The following RHOJ variants were observed in gnomAD, a reference collection of about 807,000 sequenced individuals.
RHOJ encodes rho-related GTP-binding protein RhoJ.
RHOJ carries 11 observed loss-of-function variants against 23.4 expected under a neutral mutation model. The ratio of observed to expected loss-of-function variants is 0.47; its 90% CI spans 0.30 to 0.78. The LOEUF is 0.78. Ranked by LOEUF, RHOJ falls within the 30% of genes least tolerant of loss-of-function variation. RHOJ has a pLI of 0.08. For synonymous variants in RHOJ, 102 were observed against 102.7 expected, an observed-to-expected ratio of 0.99 and a Z score of 0.04; for missense variants, 254 against 273.4, an observed-to-expected ratio of 0.93 and a Z score of 0.50.
chr14:63,267,460 C>T (rs1039238356), intron 1 of RHOJ, among the ~76,000 whole-genome samples: 3 of 152,228 alleles, frequency 2.0e-5, no homozygotes, highest in African/African-American at 4.8e-5. Context: ...TAAGGGGTCT[C>T]TGGAACAGCT....
intron 2 of RHOJ, among the ~76,000 whole-genome samples, chr14:63,271,618 G>A (rs1895471425): frequency 6.6e-6 from 1 of 152,062 alleles, no homozygotes; most frequent in Admixed American, 6.5e-5. Context: ...TTTTGAGACA[G>A]GGTTTCACTC....
chr14:63,278,655 T>C lies in RHOJ; in HGVS notation c.238-2316T>C, dbSNP rs1211014534. Among the ~76,000 whole-genome samples the C allele has an allele frequency of 2.6e-5, 4 of 152,226 alleles. No homozygotes were observed. In the East Asian group the frequency reaches 7.7e-4, roughly 29 times the overall value. On this transcript the variant is annotated intron_variant, in intron 2 of 4. Coordinates refer to ENST00000316754, the MANE Select transcript of RHOJ (RefSeq NM_020663.5). ...TATGAACAATTTAATCAATTTGTTT[T>C]TAAACTAAACATGTGTATGTGGTAT...
At chr14:63,263,026 A>T (rs562130477) in intron 1 of RHOJ, among the ~76,000 whole-genome samples, 1 of 152,336 alleles carries the variant, frequency 6.6e-6, no homozygotes, top group South Asian at 2.1e-4. Context: ...AGGAAAAATA[A>T]CAGTCGTTTA....
chr14:63,217,549 T>C (rs1894392656), intron 1 of RHOJ, among the ~76,000 whole-genome samples: 1 of 151,850 alleles, frequency 6.6e-6, no homozygotes, highest in African/African-American at 2.4e-5. Flanking sequence ...TCAAGATGGA[T>C]TAAAGACTTA....
chr14:63,248,330 GT>G (rs1189956646), intron 1 of RHOJ, among the ~76,000 whole-genome samples: 1 of 152,080 alleles, frequency 6.6e-6, no homozygotes, highest in Non-Finnish European at 1.5e-5. Context: ...AAATACTCAA[GT>G]TTTGGAACTC....
intron 3 of RHOJ, among the ~76,000 whole-genome samples, chr14:63,282,292 A>G (rs1478336182): frequency 1.7e-5 from 2 of 119,796 alleles, no homozygotes; most frequent in East Asian, 2.8e-4. Context: ...ACATGCACAC[A>G]CACACACACA....
At chr14:63,254,038 C>A (rs1170690669) in intron 1 of RHOJ, among the ~76,000 whole-genome samples, 2 of 152,106 alleles carry the variant, frequency 1.3e-5, no homozygotes, top group Non-Finnish European at 2.9e-5. Context: ...TAGAGCCAGC[C>A]GCTTGTGGAG....
chr14:63,253,827 C>G (rs1196051464), intron 1 of RHOJ, among the ~76,000 whole-genome samples: 2 of 152,244 alleles, frequency 1.3e-5, no homozygotes, highest in Non-Finnish European at 2.9e-5. Context: ...AAAACACACA[C>G]ACACTGCTTG....
At chr14:63,231,299 T>C (rs9635242) in intron 1 of RHOJ, among the ~76,000 whole-genome samples, 16,147 of 152,182 alleles carry the variant, frequency 0.11, 1,064 homozygotes, top group East Asian at 0.27. Flanking sequence ...ATAGTGGATG[T>C]AAGAGAGTAC....
At chr14:63,209,142 T>C (rs1894177362) in intron 1 of RHOJ, among the ~76,000 whole-genome samples, 1 of 152,144 alleles carries the variant, frequency 6.6e-6, no homozygotes, top group Non-Finnish European at 1.5e-5. Context: ...CCTTCATTCT[T>C]GTCCAAGCCA....
In RHOJ at chr14:63,290,880, C is replaced by G. The variant is rs149090717; in HGVS notation, c.501C>G (p.Ile167Met). ...CCTTTCTCTCTTTTGTGTTTAAGAT[C>G]GGAGCACAGTGCTACTTGGAATGTT... The part of the protein sequence containing the change: ...YEHGVKLAKA[I>M]GAQCYLECSA... Residue 167 changes from isoleucine to methionine, a missense_variant and splice_region_variant, in exon 5 of 5, where the codon ATC becomes ATG. Transcript: ENST00000316754. The G allele has an allele frequency of 1.2e-6, 2 of 1,608,212 alleles. No homozygotes were observed. The highest frequency in any genetic ancestry group is 1.7e-6 in the Non-Finnish European group (2 of 1,177,818).
chr14:63,237,199 G>GA (rs1286055049), intron 1 of RHOJ, among the ~76,000 whole-genome samples: 1 of 152,032 alleles, frequency 6.6e-6, no homozygotes, highest in African/African-American at 2.4e-5. Context: ...CTTGCCTAGA[G>GA]AAATAAGAGA....
chr14:63,223,012 AC>A (rs1331674047), intron 1 of RHOJ, among the ~76,000 whole-genome samples: 2 of 152,200 alleles, frequency 1.3e-5, no homozygotes, highest in African/African-American at 2.4e-5. Context: ...CCTGCTCTCA[AC>A]TCACCTATCA....
At chr14:63,241,079 A>G (rs1021615414) in intron 1 of RHOJ, among the ~76,000 whole-genome samples, 15 of 152,246 alleles carry the variant, frequency 9.9e-5, no homozygotes, top group African/African-American at 3.6e-4. Context: ...CATCCAGAAA[A>G]TCCCTTTGAG....
chr14:63,208,496 A>C (rs1366876157), intron 1 of RHOJ, among the ~76,000 whole-genome samples: 1 of 152,160 alleles, frequency 6.6e-6, no homozygotes, highest in African/African-American at 2.4e-5. Flanking sequence ...TCCAACAGTC[A>C]ATTCTAGGTC....
At chr14:63,284,341 A>G in intron 4 of RHOJ, 3 of 985,370 alleles carry the variant, frequency 3.0e-6, no homozygotes, top group Non-Finnish European at 3.6e-6. Context: ...ATGCACAGTA[A>G]TGTCAATACT....
chr14:63,222,400 A>C (rs901699330), intron 1 of RHOJ, among the ~76,000 whole-genome samples: 34 of 152,274 alleles, frequency 2.2e-4, no homozygotes, highest in African/African-American at 6.5e-4. Flanking sequence ...GAATCGCCAC[A>C]CTGTCTTCCA....
intron 1 of RHOJ, among the ~76,000 whole-genome samples, chr14:63,237,115 G>A (rs948321687): frequency 1.1e-4 from 17 of 152,122 alleles, no homozygotes; most frequent in African/African-American, 4.1e-4. Context: ...AAGATATGGA[G>A]GGCTAACCTA....
At chr14:63,271,466 C>T (rs1594773953) in intron 2 of RHOJ, among the ~76,000 whole-genome samples, 1 of 152,238 alleles carries the variant, frequency 6.6e-6, no homozygotes, top group Non-Finnish European at 1.5e-5. Flanking sequence ...CAGTGATTCT[C>T]AAACTGGAGT....
Sources: gnomAD v4.1 joint callset for allele counts (sites outside exome capture counted in the v4.1 genomes callset) on GRCh38, gnomAD v4.1.1 for gene constraint, MANE v1.5 for transcripts, NCBI Gene and HGNC (gene_info 2026-07-23, HGNC 2026-07-21) for gene names.